Variants in NCAM2 observed in about 807,000 individuals in gnomAD.
The protein encoded by NCAM2 is N-CAM-2.
A neutral mutation model predicts 98.1 loss-of-function variants in NCAM2; 30 were observed. That is an observed-to-expected ratio of 0.31 (90% CI 0.23 to 0.41). NCAM2 has a LOEUF of 0.41. Ranked by LOEUF, NCAM2 falls within the 10% of genes least tolerant of loss-of-function variation. The pLI is 1.00. For missense variants in NCAM2, 867 were observed against 1,005.8 expected (o/e 0.86, Z 1.87); for synonymous variants, 368 against 342.4 (o/e 1.07, Z -0.83).
intron 5 of NCAM2, among the ~76,000 whole-genome samples, chr21:21,305,991 T>C (rs2073867897): frequency 6.6e-6 from 1 of 152,172 alleles, no homozygotes; most frequent in African/African-American, 2.4e-5. Context: ...TTTTGACTTA[T>C]TATTTATCCC....
chr21:21,270,652 C>T (rs1189642864), intron 1 of NCAM2, among the ~76,000 whole-genome samples: 2 of 152,136 alleles, frequency 1.3e-5, no homozygotes, highest in Non-Finnish European at 2.9e-5. Flanking sequence ...GGAAAATAAT[C>T]ATTTCCCTCC....
Position 21,542,431 on chromosome 21 carries a change from C to T in NCAM2, c.*4474C>T, listed in dbSNP as rs995116939. ...AACATAAATATATTATTTGTTATTACCTCTTTAAATTTTCATTTTATACAA... is the reference window on the plus strand; with the variant it reads ...AACATAAATATATTATTTGTTATTATCTCTTTAAATTTTCATTTTATACAA... On this transcript the variant is annotated 3_prime_UTR_variant, in exon 18 of 18. Transcript: ENST00000400546. The T allele has an allele frequency of 6.6e-6, 1 of 151,672 alleles. No individual in the cohort carries two copies. Among genetic ancestry groups the T allele is most frequent in the African/African-American group, 2.4e-5 (1 of 41,382 alleles). The allele number at this position is 151,672 out of a possible 1,614,324, so 9.4% of individuals were successfully genotyped here. A position where few individuals can be genotyped will look rare whatever the true frequency, so the allele number is the denominator to read the frequency against.
chr21:21,308,367 A>G (rs962783574), intron 5 of NCAM2, among the ~76,000 whole-genome samples: 2 of 152,068 alleles, frequency 1.3e-5, no homozygotes, highest in Admixed American at 6.6e-5. Flanking sequence ...TTACTTTTAT[A>G]TATAAAATAC....
At chr21:21,146,393 G>T (rs2067273966) in intron 1 of NCAM2, among the ~76,000 whole-genome samples, 1 of 151,156 alleles carries the variant, frequency 6.6e-6, no homozygotes, top group Non-Finnish European at 1.5e-5. Context: ...CATATGTTTA[G>T]GTCTTCTACA....
intron 10 of NCAM2, among the ~76,000 whole-genome samples, chr21:21,414,096 C>T (rs1420679521): frequency 6.6e-6 from 1 of 152,156 alleles, no homozygotes; most frequent in African/African-American, 2.4e-5. Context: ...CCACCAGAAA[C>T]CACTTTATTT....
intron 1 of NCAM2, among the ~76,000 whole-genome samples, chr21:21,254,557 GA>G (rs1486737425): frequency 6.6e-6 from 1 of 151,944 alleles, no homozygotes; most frequent in African/African-American, 2.4e-5. Flanking sequence ...GCATTATTTT[GA>G]AAAAAGGTGA....
intron 1 of NCAM2, among the ~76,000 whole-genome samples, chr21:21,227,871 T>G (rs2070451853): frequency 6.6e-6 from 1 of 151,768 alleles, no homozygotes; most frequent in Non-Finnish European, 1.5e-5. Context: ...ATTTTAAAAC[T>G]TAGAGAAATA....
intron 1 of NCAM2, among the ~76,000 whole-genome samples, chr21:21,171,598 G>A (rs1269929144): frequency 6.6e-6 from 1 of 152,108 alleles, no homozygotes; most frequent in Non-Finnish European, 1.5e-5. Flanking sequence ...ACCCTTGACT[G>A]CCACAGACTG....
chr21:21,118,319 C>T (rs1298987907), intron 1 of NCAM2, among the ~76,000 whole-genome samples: 5 of 152,064 alleles, frequency 3.3e-5, no homozygotes, highest in Non-Finnish European at 5.9e-5. Context: ...TTACAAACAA[C>T]CCAAAGATGC....
chr21:21,283,801 A>G (rs1159717375), intron 2 of NCAM2, among the ~76,000 whole-genome samples: 1 of 151,954 alleles, frequency 6.6e-6, no homozygotes, highest in Non-Finnish European at 1.5e-5. Flanking sequence ...AGATGAAATC[A>G]TATTAGTAAT....
At chr21:21,065,620 A>G (rs930410861) in intron 1 of NCAM2, among the ~76,000 whole-genome samples, 2 of 152,248 alleles carry the variant, frequency 1.3e-5, no homozygotes, top group East Asian at 1.9e-4. Context: ...TCTATAATCA[A>G]TATACCGCAG....
At chr21:21,232,367 A>T (rs1466974165) in intron 1 of NCAM2, among the ~76,000 whole-genome samples, 2 of 151,792 alleles carry the variant, frequency 1.3e-5, no homozygotes, top group East Asian at 1.9e-4. Flanking sequence ...AACTTGTTAC[A>T]TTAATATTAA....
intron 1 of NCAM2, among the ~76,000 whole-genome samples, chr21:21,145,623 A>C (rs1490821133): frequency 6.6e-6 from 1 of 152,172 alleles, no homozygotes; most frequent in African/African-American, 2.4e-5. Context: ...CAATAAAATG[A>C]AGCCAAAAAG....
chr21:21,122,681 C>T (rs1484099166), intron 1 of NCAM2, among the ~76,000 whole-genome samples: 2 of 152,136 alleles, frequency 1.3e-5, no homozygotes, highest in East Asian at 3.9e-4. Flanking sequence ...CTATGGCTTA[C>T]GTCTTTCACC....
chr21:21,142,621 C>T (rs1473154939), intron 1 of NCAM2, among the ~76,000 whole-genome samples: 1 of 151,962 alleles, frequency 6.6e-6, no homozygotes, highest in Non-Finnish European at 1.5e-5. Flanking sequence ...CCTCGTGATC[C>T]GCCCGCCTAG....
At chr21:21,307,010 T>C (rs1196330190) in intron 5 of NCAM2, among the ~76,000 whole-genome samples, 2 of 152,140 alleles carry the variant, frequency 1.3e-5, no homozygotes, top group African/African-American at 4.8e-5. Context: ...TCCATGTGGT[T>C]GCAAATAAGC....
chr21:21,263,971 G>A (rs1444374367), intron 1 of NCAM2, among the ~76,000 whole-genome samples: 1 of 151,962 alleles, frequency 6.6e-6, no homozygotes, highest in African/African-American at 2.4e-5. Flanking sequence ...TAAAGCAAAT[G>A]CAACAAAACC....
At chr21:21,212,402 A>G (rs1303759071) in intron 1 of NCAM2, among the ~76,000 whole-genome samples, 1 of 152,216 alleles carries the variant, frequency 6.6e-6, no homozygotes, top group Non-Finnish European at 1.5e-5. Context: ...TCAGAGGGGC[A>G]AGTGAGAAGG....
rs1475439057 is a variant in NCAM2, at chr21:21,142,377, G to GGT, written c.56-138201_56-138200insGT. 4.7e-5 allele frequency among the ~76,000 whole-genome samples: 5 copies of GGT among 107,190 alleles called. 1 individual carries two copies. The highest frequency in any genetic ancestry group is 6.1e-4 in the South Asian group (2 of 3,254). The allele number at this position is 107,190 out of a possible 152,430, so 70.3% of individuals were successfully genotyped here. On this transcript the variant is annotated intron_variant, in intron 1 of 17. Coordinates refer to ENST00000400546, the MANE Select transcript of NCAM2 (RefSeq NM_004540.5). Reference sequence around the variant, plus strand: ...AAATTATTTGACCGTTTTTTTTTATGTTTTTTTTTTTTTTTTTTTGAGATA... The same window carrying GGT: ...AAATTATTTGACCGTTTTTTTTTATGGTTTTTTTTTTTTTTTTTTTTGAGATA...
Sources: gnomAD v4.1 joint callset for allele counts (sites outside exome capture counted in the v4.1 genomes callset) on GRCh38, gnomAD v4.1.1 for gene constraint, MANE v1.5 for transcripts, NCBI Gene and HGNC (gene_info 2026-07-23, HGNC 2026-07-21) for gene names.